The following CCDC88C variants were observed in gnomAD, a reference collection of about 807,000 sequenced individuals.
The protein encoded by CCDC88C is protein Daple.
A neutral mutation model predicts 198.8 loss-of-function variants in CCDC88C; 131 were observed. The observed-to-expected ratio is 0.66, with a 90% CI of 0.57 to 0.76. The LOEUF is 0.76. CCDC88C is among the 30% of genes least tolerant of loss of function. The pLI is 0.00. For missense variants in CCDC88C, 2,553 were observed against 2,631.6 expected (o/e 0.97, Z 0.65); for synonymous variants, 1,166 against 1,114.7 (o/e 1.05, Z -0.92).
chr14:91,308,477 C>G lies in CCDC88C; in HGVS notation c.2880G>C (p.Leu960Phe). 2.5e-6 allele frequency: 4 copies of G among 1,613,862 alleles called. No homozygotes were observed. The highest frequency in any genetic ancestry group is 3.4e-6 in the Non-Finnish European group (4 of 1,179,832). ...DSGSDTKYKI[L>F]EGRNESALKT... ...TTAATGCTGATTCATTTCTGCCCTC[C>G]AAAATCTTGTATTTTCTGGAAAACA... Residue 960 changes from leucine to phenylalanine, a missense_variant, in exon 17 of 30, where the codon TTG becomes TTC. Physicochemically the swap from Leu to Phe is conservative, Grantham distance 22. Transcript: ENST00000389857.
Position 91,369,681 on chromosome 14 carries a change from C to T in CCDC88C, c.271-9970G>A, listed in dbSNP as rs554022105. Among the ~76,000 whole-genome samples the T allele has an allele frequency of 1.4e-3, 211 of 152,326 alleles. 1 individual carries two copies. The highest frequency in any genetic ancestry group is 5.0e-3 in the African/African-American group (207 of 41,566). On this transcript the variant is annotated intron_variant, in intron 3 of 29. Coordinates refer to ENST00000389857, the MANE Select transcript of CCDC88C (RefSeq NM_001080414.4). ...TCTGCACAAGAGGCTCTCCTCTCCA[C>T]CCAGTCCCTCTTCGGGGCGGGGAGT...
intron 3 of CCDC88C, among the ~76,000 whole-genome samples, chr14:91,400,843 T>C (rs1288325660): frequency 6.6e-6 from 1 of 152,186 alleles, no homozygotes; most frequent in African/African-American, 2.4e-5. Flanking sequence ...GCAAAAATTC[T>C]CAAAGTATTC....
intron 4 of CCDC88C, among the ~76,000 whole-genome samples, chr14:91,345,191 T>TATATATATATATA (rs1491366967): frequency 3.0e-5 from 1 of 33,632 alleles, no homozygotes; most frequent in African/African-American, 1.3e-4. Flanking sequence ...TATATATATA[T>TATATATATATATA]TTTTTTTTTT....
intron 3 of CCDC88C, among the ~76,000 whole-genome samples, chr14:91,397,837 C>T (rs574787692): frequency 6.3e-4 from 96 of 152,324 alleles, no homozygotes; most frequent in Non-Finnish European, 8.4e-4. Flanking sequence ...GCCCTGCCAG[C>T]CTTTACAGGA....
chr14:91,331,697 C>T (rs2139844141), intron 10 of CCDC88C, among the ~76,000 whole-genome samples: 1 of 152,334 alleles, frequency 6.6e-6, no homozygotes, highest in East Asian at 1.9e-4. Context: ...TGGGGCAGCT[C>T]CCTGTTGGGG....
chr14:91,392,608 G>T (rs541301575), intron 3 of CCDC88C, among the ~76,000 whole-genome samples: 1 of 152,052 alleles, frequency 6.6e-6, no homozygotes, highest in Non-Finnish European at 1.5e-5. Context: ...CCATACCAGC[G>T]ATGCATAAAA....
At chr14:91,286,407 T>TA (rs1013932404) in intron 25 of CCDC88C, among the ~76,000 whole-genome samples, 10 of 151,984 alleles carry the variant, frequency 6.6e-5, no homozygotes, top group Admixed American at 3.9e-4. Flanking sequence ...CTTTGCATAC[T>TA]AAAAAAAACC....
chr14:91,360,689 A>C (rs1314847370), intron 3 of CCDC88C, among the ~76,000 whole-genome samples: 1 of 152,194 alleles, frequency 6.6e-6, no homozygotes, highest in Non-Finnish European at 1.5e-5. Context: ...CTTGGAGAGA[A>C]GGCCCAGGCA....
intron 10 of CCDC88C, among the ~76,000 whole-genome samples, chr14:91,330,773 G>C (rs1043503219): frequency 6.6e-6 from 1 of 152,104 alleles, no homozygotes; most frequent in Non-Finnish European, 1.5e-5. Context: ...AGATGTCTCT[G>C]GATAACCCGG....
intron 3 of CCDC88C, among the ~76,000 whole-genome samples, chr14:91,407,048 C>T (rs932180714): frequency 1.3e-5 from 2 of 152,188 alleles, no homozygotes; most frequent in Non-Finnish European, 2.9e-5. Context: ...GCACAGATGG[C>T]TCACTGAACT....
In CCDC88C at chr14:91,281,496, G is replaced by A; in HGVS notation, c.4660C>T (p.Pro1554Ser). 6 of 1,613,908 alleles carry A rather than the reference G, an allele frequency of 3.7e-6. No homozygotes were observed. Among genetic ancestry groups the A allele is most frequent in the Non-Finnish European group, 5.1e-6 (6 of 1,179,816 alleles). Reference protein sequence around the residue: ...GYNSDDNLCEPSLEFEVPNHR... With the variant: ...GYNSDDNLCESSLEFEVPNHR... Reference sequence around the variant, plus strand: ...TTGGGGACCTCAAACTCCAGGGATGGCTCACAGAGGTTGTCATCTGAGTTA... The same window carrying A: ...TTGGGGACCTCAAACTCCAGGGATGACTCACAGAGGTTGTCATCTGAGTTA... The change falls in exon 27 of 30, where the codon CCA becomes TCA. Residue 1554 changes from proline to serine, a missense_variant. By Grantham distance (74) the Pro-to-Ser change is moderately conservative. This residue lies in a region of CCDC88C where 1,293 missense variants were observed against 1,219.6 expected (regional missense o/e 1.06). Coordinates refer to ENST00000389857, the MANE Select transcript of CCDC88C (RefSeq NM_001080414.4).
chr14:91,273,382 A>T lies in CCDC88C; in HGVS notation c.5330T>A (p.Leu1777Gln). 4 of 1,532,586 alleles carry T rather than the reference A, an allele frequency of 2.6e-6. No homozygotes were observed. Among genetic ancestry groups the T allele is most frequent in the Non-Finnish European group, 3.5e-6 (4 of 1,139,118 alleles). 94.9% of individuals were successfully genotyped at this position (1,532,586 alleles called of 1,614,324 possible). A position where few individuals can be genotyped will look rare whatever the true frequency, so the allele number is the denominator to read the frequency against. ...AGCCTGCCGGGGTCTGCCCAGAGAC[A>T]GGCTCTGGGGAGGCTGGGCCTGTCT... is the stretch of plus-strand genomic sequence containing the variant. The part of the protein sequence containing the change: ...APRQAQPPQS[L>Q]SLGRPRQAPV... The change falls in exon 30 of 30, where the codon CTG (leucine) becomes CAG (glutamine). Residue 1777 changes from leucine (L) to glutamine (Q), a missense_variant. Around this residue, in one of 2 missense-constraint regions of CCDC88C, gnomAD observed 1,293 missense variants for 1,219.6 expected, o/e 1.06. Transcript: ENST00000389857. This position sits in a 1 kb window ranked among gnomAD's most constrained non-coding sequence, Gnocchi z 5.6.
rs1244697722 is a variant in CCDC88C, at chr14:91,382,081, C to T, written c.271-22370G>A. On this transcript the variant is annotated intron_variant, in intron 3 of 29. Coordinates refer to ENST00000389857, the MANE Select transcript of CCDC88C (RefSeq NM_001080414.4). ...CAGCCTTAGGTTTAAGTTTCAGACC[C>T]GCCATTAAATACAGAGACAAGTCAC... 4.6e-5 allele frequency among the ~76,000 whole-genome samples: 7 copies of T among 152,114 alleles called. No individual in the cohort carries two copies. The South Asian group carries it at 6.2e-4, about 14-fold the overall frequency.
chr14:91,368,245 T>C (rs1165098773), intron 3 of CCDC88C, among the ~76,000 whole-genome samples: 1 of 152,232 alleles, frequency 6.6e-6, no homozygotes, highest in Non-Finnish European at 1.5e-5. Flanking sequence ...TCTCTGCTAA[T>C]TCCTGTGCCT....
chr14:91,297,666 A>C (rs1190306199), intron 21 of CCDC88C, among the ~76,000 whole-genome samples, 175 bp from the exon 22 acceptor site: 3 of 152,060 alleles, frequency 2.0e-5, no homozygotes, highest in Non-Finnish European at 4.4e-5. Context: ...GAGCTTGGAC[A>C]AAACTGTCCA....
At chr14:91,337,841 G>C (rs552841014) in intron 10 of CCDC88C, among the ~76,000 whole-genome samples, 164 bp downstream of exon 10, 4 of 152,352 alleles carry the variant, frequency 2.6e-5, no homozygotes, top group Admixed American at 1.3e-4. Flanking sequence ...AGAGGAGCAA[G>C]ACGGGGGCCC....
intron 3 of CCDC88C, among the ~76,000 whole-genome samples, chr14:91,400,113 C>T (rs1886086525): frequency 6.6e-6 from 1 of 152,002 alleles, no homozygotes. Flanking sequence ...GTCCTGCGTA[C>T]ACAGGTGTTA....
Position 91,368,530 on chromosome 14 carries a change from C to T in CCDC88C, c.271-8819G>A, listed in dbSNP as rs117385281. 3.3e-5 allele frequency among the ~76,000 whole-genome samples: 5 copies of T among 152,242 alleles called. No homozygotes were observed. In the East Asian group the frequency reaches 9.6e-4, roughly 29 times the overall value. On this transcript the variant is annotated intron_variant, in intron 3 of 29. Transcript: ENST00000389857. ...AGCAAAAGTAAATTAATTTTAAATT[C>T]CTAAACTACAGAAGTGACTTCAGAC...
Position 91,303,751 on chromosome 14 carries a change from T to C in CCDC88C, c.3585A>G (p.Leu1195=). The change falls in exon 20 of 30, where the codon CTA becomes CTG. Residue 1195 remains leucine (L), a synonymous_variant. Coordinates refer to ENST00000389857, the MANE Select transcript of CCDC88C (RefSeq NM_001080414.4). ...YEALIRQHSC[L]KTLHRNLELE... ...GCTCCAGATTCCGATGCAGTGTCTT[T>C]AGGCAGCTGTGCTGGCGGATGAGGG... The C allele has an allele frequency of 1.9e-6, 3 of 1,612,410 alleles. No homozygotes were observed. The South Asian group carries it at 3.3e-5, about 18-fold the overall frequency.
Sources: gnomAD v4.1 joint callset for allele counts (sites outside exome capture counted in the v4.1 genomes callset) on GRCh38, gnomAD v4.1.1 for gene constraint, gnomAD v4.1.1 regional missense constraint, Gnocchi (gnomAD v3.1) non-coding constraint, MANE v1.5 for transcripts, NCBI Gene and HGNC (gene_info 2026-07-23, HGNC 2026-07-21) for gene names.